Variants in DNAH5 observed in about 807,000 individuals in gnomAD.
DNAH5 encodes the protein axonemal beta dynein heavy chain 5.
DNAH5 carries 372 observed loss-of-function variants against 518.2 expected under a neutral mutation model. The observed-to-expected ratio is 0.72, with a 90% CI of 0.66 to 0.78. The LOEUF (loss-of-function observed/expected upper bound fraction) is 0.78, where lower values mean the gene tolerates loss of function less well. DNAH5 is among the 30% of genes least tolerant of loss of function. The pLI, the probability that DNAH5 is intolerant of heterozygous loss-of-function variation, is 0.00. For missense variants in DNAH5, 5,523 were observed against 5,687.0 expected, an observed-to-expected ratio of 0.97 and a Z score of 0.93; for synonymous variants, 2,039 against 2,025.9, an observed-to-expected ratio of 1.01 and a Z score of -0.17.
intron 11 of DNAH5, among the ~76,000 whole-genome samples, chr5:13,912,492 C>G (rs1214390996): frequency 6.7e-6 from 1 of 150,156 alleles, no homozygotes; most frequent in Non-Finnish European, 1.5e-5. Context: ...CACACACACA[C>G]TATATATATG....
chr5:13,851,498 C>T (rs1308764700), intron 30 of DNAH5, among the ~76,000 whole-genome samples: 2 of 151,800 alleles, frequency 1.3e-5, no homozygotes, highest in African/African-American at 4.8e-5. Flanking sequence ...TTTGTAGAAA[C>T]TGGGTTTCAT....
intron 1 of DNAH5, among the ~76,000 whole-genome samples, chr5:13,933,267 T>G (rs1306396099): frequency 6.6e-6 from 1 of 152,214 alleles, no homozygotes; most frequent in Non-Finnish European, 1.5e-5. Context: ...CTGTTGGAGT[T>G]GTGCAGTACA....
intron 2 of DNAH5, among the ~76,000 whole-genome samples, chr5:13,930,853 G>A (rs1255524302): frequency 3.9e-5 from 6 of 152,226 alleles, no homozygotes; most frequent in Admixed American, 3.9e-4. Flanking sequence ...CAGCTTCACT[G>A]GATGTAGAGA....
At chr5:13,919,085 A>ATTTTTT in intron 7 of DNAH5, 91 bp downstream of exon 7, 3 of 1,494,386 alleles carry the variant, frequency 2.0e-6, no homozygotes, top group Admixed American at 3.4e-5. Flanking sequence ...GTATAATAAC[A>ATTTTTT]TTTTTTTGTT....
chr5:13,730,928 G>A (rs901735471), intron 68 of DNAH5, among the ~76,000 whole-genome samples: 5 of 151,796 alleles, frequency 3.3e-5, no homozygotes, highest in Admixed American at 1.3e-4. Context: ...TCGAACTCCC[G>A]ACCCCAGGTG....
At chr5:13,835,618 C>G (rs1169671979) in intron 35 of DNAH5, among the ~76,000 whole-genome samples, 1 of 152,050 alleles carries the variant, frequency 6.6e-6, no homozygotes, top group Non-Finnish European at 1.5e-5. Context: ...CCAGTTTTTT[C>G]GAGGGCTACA....
intron 1 of DNAH5, among the ~76,000 whole-genome samples, chr5:13,987,840 A>T (rs79579989): frequency 8.2e-6 from 1 of 122,112 alleles, no homozygotes; most frequent in Admixed American, 7.4e-5. Context: ...GGCAAGTCTC[A>T]AAAAAAAAAA....
At chr5:13,737,816 C>T (rs1389768769) in intron 65 of DNAH5, among the ~76,000 whole-genome samples, 1 of 151,926 alleles carries the variant, frequency 6.6e-6, no homozygotes, top group African/African-American at 2.4e-5. Context: ...AGTCCCAGCA[C>T]TTTAGGAGGC....
At chr5:13,886,962 T>C (rs933531177) in intron 17 of DNAH5, among the ~76,000 whole-genome samples, 1 of 152,212 alleles carries the variant, frequency 6.6e-6, no homozygotes, top group Non-Finnish European at 1.5e-5. Flanking sequence ...GAAGTGCTTG[T>C]TATTATTATT....
rs370898149 is a variant in DNAH5 at position 13,876,880 on chromosome 5, T to C, written c.3263-63A>G. On this transcript the variant is annotated intron_variant, in intron 21 of 78. Coordinates refer to ENST00000265104, the MANE Select transcript of DNAH5 (RefSeq NM_001369.3). ...CACACAAGAATGTACTTTCAGGAGA[T>C]GAGGATATTTCTGTGATAGTAAAGC... The C allele has an allele frequency of 1.5e-5, 23 of 1,528,974 alleles. No individual in the cohort carries two copies. The East Asian group carries it at 1.8e-4, about 12-fold the overall frequency. The allele number at this position is 1,528,974 out of a possible 1,614,324, so 94.7% of individuals were successfully genotyped here.
intron 1 of DNAH5, among the ~76,000 whole-genome samples, chr5:13,963,250 A>G (rs962002401): frequency 6.6e-6 from 1 of 152,192 alleles, no homozygotes; most frequent in Non-Finnish European, 1.5e-5. Flanking sequence ...ATGGTCCTCC[A>G]TGCCTCTTGC....
chr5:13,704,576 G>A (rs572014005), intron 76 of DNAH5, among the ~76,000 whole-genome samples: 221 of 152,208 alleles, frequency 1.5e-3, no homozygotes, highest in Middle Eastern at 3.4e-3. Context: ...TTATTTAGCC[G>A]CCTTAAGAAA....
chr5:13,783,996 C>A (rs1186335671), intron 52 of DNAH5, among the ~76,000 whole-genome samples: 1 of 152,170 alleles, frequency 6.6e-6, no homozygotes, highest in Non-Finnish European at 1.5e-5. Flanking sequence ...AGAGAAAACA[C>A]CAGCGAGGCC....
Position 13,721,031 on chromosome 5 carries a change from G to T in DNAH5, c.12248C>A (p.Ala4083Asp), listed in dbSNP as rs1201132518. The T allele has an allele frequency of 6.2e-6, 10 of 1,614,110 alleles. No individual in the cohort carries two copies. The South Asian group carries it at 9.9e-5, about 16-fold the overall frequency. Residue 4083 changes from alanine to aspartate, a missense_variant, in exon 71 of 79, where the codon GCT (alanine) becomes GAT (aspartate). By Grantham distance (126) the Ala-to-Asp change is moderately radical. Coordinates refer to ENST00000265104, the MANE Select transcript of DNAH5 (RefSeq NM_001369.3). ...VSMGQGQEVHARKLLQQTMAN... is the reference protein window; with the variant it reads ...VSMGQGQEVHDRKLLQQTMAN... ...CATGGTCTGCTGCAAGAGCTTCCGA[G>T]CATGGACTTCCTGGCCCTGGCCCAT...
At chr5:13,945,966 T>C (rs773046896), upstream of DNAH5, among the ~76,000 whole-genome samples, 1 of 152,142 alleles carries the variant, frequency 6.6e-6, no homozygotes, top group African/African-American at 2.4e-5. Context: ...CCGTTTCTAA[T>C]AAAAAGTGTT....
intron 2 of DNAH5, among the ~76,000 whole-genome samples, 197 bp from the exon 3 acceptor site, chr5:13,928,375 C>CA (rs1177370139): frequency 1.3e-5 from 2 of 152,160 alleles, no homozygotes; most frequent in African/African-American, 4.8e-5. Context: ...AGACTCTGTT[C>CA]AAAAAAGTAA....
rs1757080504 is a variant in DNAH5, at chr5:13,792,058, C to T, written c.8384G>A (p.Arg2795Gln). ...PAKFHYVFNLRDLSRVWQGML... is the reference protein window; with the variant it reads ...PAKFHYVFNLQDLSRVWQGML... The stretch of plus-strand genomic sequence containing the variant: ...TCCCTGCCAGACCCGAGAAAGATCT[C>T]GTAGGTTAAACACATAATGGAATTT... The change falls in exon 50 of 79, where the codon CGA becomes CAA. Residue 2795 changes from arginine to glutamine, a missense_variant. Physicochemically the swap from Arg to Gln is conservative, Grantham distance 43. Around this residue, in one of 3 missense-constraint regions of DNAH5, gnomAD observed 5,121 missense variants for 5,223.3 expected, o/e 0.98. Transcript: ENST00000265104. The T allele has an allele frequency of 2.5e-6, 4 of 1,613,888 alleles. No individual in the cohort carries two copies. The highest frequency in any genetic ancestry group is 4.5e-5 in the East Asian group (2 of 44,892).
At chr5:13,788,491 T>C (rs943707321) in intron 51 of DNAH5, among the ~76,000 whole-genome samples, 2 of 152,192 alleles carry the variant, frequency 1.3e-5, no homozygotes, top group African/African-American at 4.8e-5. Flanking sequence ...CCAACTCTAC[T>C]TTAATATCCA....
At chr5:13,966,972 G>A (rs558965149) in intron 1 of DNAH5, among the ~76,000 whole-genome samples, 3 of 152,100 alleles carry the variant, frequency 2.0e-5, no homozygotes, top group South Asian at 2.1e-4. Context: ...AGTGATTCTC[G>A]TGCCTCAGCC....
Sources: gnomAD v4.1 joint callset for allele counts (sites outside exome capture counted in the v4.1 genomes callset) on GRCh38, gnomAD v4.1.1 for gene constraint, gnomAD v4.1.1 regional missense constraint, MANE v1.5 for transcripts, NCBI Gene and HGNC (gene_info 2026-07-23, HGNC 2026-07-21) for gene names.